Variants in RASGRF2 observed in about 807,000 individuals in gnomAD.
RASGRF2 encodes the protein ras-specific guanine nucleotide-releasing factor 2.
Under a neutral mutation model 151.0 loss-of-function variants are expected in RASGRF2, and 76 were observed. That is an observed-to-expected ratio of 0.50 (90% CI 0.42 to 0.61). The LOEUF is 0.61. Among genes scored for constraint, RASGRF2 ranks in the 20% least tolerant of loss-of-function variants. RASGRF2 has a pLI of 0.00. For missense variants in RASGRF2, 1,148 were observed against 1,564.6 expected (o/e 0.73, Z 4.49); for synonymous variants, 504 against 566.5 (o/e 0.89, Z 1.57).
intron 18 of RASGRF2, among the ~76,000 whole-genome samples, chr5:81,198,681 C>T (rs914145974): frequency 3.9e-5 from 6 of 152,160 alleles, no homozygotes; most frequent in African/African-American, 7.2e-5. Context: ...CCTCATGATC[C>T]GCCCGCCTCA....
At chr5:81,160,699 A>G (rs956668514) in intron 17 of RASGRF2, among the ~76,000 whole-genome samples, 7 of 148,326 alleles carry the variant, frequency 4.7e-5, no homozygotes, top group Non-Finnish European at 1.0e-4. Flanking sequence ...AATAATAATA[A>G]TAATAATAAT....
At position 80,961,009 on chromosome 5, in the gene RASGRF2, G is replaced by A. The variant is rs752780549; in HGVS notation, c.271G>A (p.Asp91Asn). ...RAGAGQGGVRDALDKQYYFTV... is the reference protein window; with the variant it reads ...RAGAGQGGVRNALDKQYYFTV... ...CGGCGCCGGGCAGGGAGGCGTCCGA[G>A]ACGCGCTGGACAAGCAGGTACCGCG... The change falls in exon 1 of 27, where the codon GAC (aspartate) becomes AAC (asparagine). Residue 91 changes from aspartate (D) to asparagine (N), a missense_variant. Coordinates refer to ENST00000265080, the MANE Select transcript of RASGRF2 (RefSeq NM_006909.3). 2 of 1,510,436 alleles carry A rather than the reference G, an allele frequency of 1.3e-6. No individual in the cohort carries two copies. The highest frequency in any genetic ancestry group is 1.8e-6 in the Non-Finnish European group (2 of 1,123,152). 93.6% of individuals were successfully genotyped at this position (1,510,436 alleles called of 1,614,324 possible). A position where few individuals can be genotyped will look rare whatever the true frequency, so the allele number is the denominator to read the frequency against.
chr5:81,006,689 A>C (rs1039905313), intron 1 of RASGRF2, among the ~76,000 whole-genome samples: 21 of 151,898 alleles, frequency 1.4e-4, no homozygotes, highest in African/African-American at 5.1e-4. Flanking sequence ...GACCTCTCGG[A>C]TCCCCCTTTC....
intron 1 of RASGRF2, among the ~76,000 whole-genome samples, chr5:80,965,124 T>A (rs1484896991): frequency 1.3e-5 from 2 of 152,102 alleles, no homozygotes; most frequent in Non-Finnish European, 2.9e-5. Flanking sequence ...GCTATGTGAT[T>A]TCCTGTCACT....
chr5:80,992,065 G>T (rs1748668052), intron 1 of RASGRF2, among the ~76,000 whole-genome samples: 1 of 152,026 alleles, frequency 6.6e-6, no homozygotes, highest in Non-Finnish European at 1.5e-5. Flanking sequence ...CCCTCTCCTG[G>T]CACCATGATG....
intron 22 of RASGRF2, 59 bp downstream of exon 22, chr5:81,208,497 T>C (rs1357378417): frequency 2.8e-6 from 3 of 1,064,428 alleles, no homozygotes; most frequent in Non-Finnish European, 4.1e-6. Flanking sequence ...TATTGGGGTC[T>C]AAAGACTCCT....
rs931463547 is a variant in RASGRF2, at chr5:81,068,042, A to G, written c.406A>G (p.Ile136Val). ...EAIHQASYAD[I>V]LIEREVLMQK... ...TAATTTTCTCTCAAGTTATGCAGAC[A>G]TTTTGATTGAGAGGGAAGTATTAAT... Residue 136 changes from isoleucine (I) to valine (V), a missense_variant, in exon 3 of 27, where the codon ATT (isoleucine) becomes GTT (valine). This residue lies in a region of RASGRF2 where 221 missense variants were observed against 271.3 expected (regional missense o/e 0.81). Transcript: ENST00000265080. The G allele has an allele frequency of 1.2e-6, 2 of 1,604,678 alleles. No individual in the cohort carries two copies.
rs540002149 is a variant in RASGRF2, at chr5:81,039,968, C to G, written c.289-2909C>G. ...TCATTCACTCATTTAAAAAAATACT[C>G]ATATGGCTTAATTTTTTTTACATTA... is the stretch of plus-strand genomic sequence containing the variant. On this transcript the variant is annotated intron_variant, in intron 1 of 26. Coordinates refer to ENST00000265080, the MANE Select transcript of RASGRF2 (RefSeq NM_006909.3). Among the ~76,000 whole-genome samples the G allele has an allele frequency of 1.6e-4, 24 of 152,212 alleles. 1 individual carries two copies. The South Asian group carries it at 5.0e-3, about 32-fold the overall frequency.
intron 17 of RASGRF2, among the ~76,000 whole-genome samples, chr5:81,178,156 G>C (rs774072995): frequency 2.6e-5 from 4 of 152,256 alleles, no homozygotes; most frequent in Non-Finnish European, 5.9e-5. Flanking sequence ...CAGGAGACCA[G>C]AGGCTATTAC....
chr5:81,024,249 ATTTTTTTTTTTTTT>A (rs397884951), intron 1 of RASGRF2, among the ~76,000 whole-genome samples: 9 of 71,684 alleles, frequency 1.3e-4, no homozygotes, highest in African/African-American at 5.1e-4. Context: ...TATTCATATA[ATTTTTTTTTTTTTT>A]TTTTTTTTTT....
At chr5:81,153,377 T>G (rs1305210427) in intron 17 of RASGRF2, among the ~76,000 whole-genome samples, 1 of 151,932 alleles carries the variant, frequency 6.6e-6, no homozygotes, top group African/African-American at 2.4e-5. Flanking sequence ...GGCAGAAGAG[T>G]CAGTGTCAGA....
Position 81,094,303 on chromosome 5 carries a change from G to A in RASGRF2, c.1559G>A (p.Gly520Glu). 1 of 1,613,216 alleles carries A rather than the reference G, an allele frequency of 6.2e-7. No individual in the cohort carries two copies. The change falls in exon 11 of 27, where the codon GGG becomes GAG. Residue 520 changes from glycine to glutamate, a missense_variant. By Grantham distance (98) the Gly-to-Glu change is moderately conservative. Transcript: ENST00000265080. ...AAATTGGTTTGTTTCCAGACAGGTG[G>A]GGTTCTGTCTCTAATAGACTGCACA... Reference protein sequence around the residue: ...GGKLHLLKTGGVLSLIDCTLI... With the variant: ...GGKLHLLKTGEVLSLIDCTLI...
At chr5:81,217,079 G>A (rs185368066) in intron 24 of RASGRF2, 152 of 453,072 alleles carry the variant, frequency 3.4e-4, no homozygotes, top group Non-Finnish European at 5.1e-4. Context: ...ATTACTGCTA[G>A]CAAATGCTTT....
intron 5 of RASGRF2, among the ~76,000 whole-genome samples, chr5:81,074,614 A>G (rs1051361419): frequency 6.6e-6 from 1 of 152,112 alleles, no homozygotes; most frequent in African/African-American, 2.4e-5. Flanking sequence ...GTACTTTAAC[A>G]TGTACTTCAT....
At chr5:81,129,439 T>G (rs1307121298) in intron 17 of RASGRF2, among the ~76,000 whole-genome samples, 3 of 152,172 alleles carry the variant, frequency 2.0e-5, no homozygotes, top group Admixed American at 6.5e-5. Flanking sequence ...TTATATATTA[T>G]TTATCATTAT....
chr5:81,192,167 A>T (rs944798423), intron 18 of RASGRF2, among the ~76,000 whole-genome samples: 3 of 152,200 alleles, frequency 2.0e-5, no homozygotes, highest in Admixed American at 1.3e-4. Flanking sequence ...AGAGCTTACC[A>T]GATTTGGGGT....
At chr5:81,224,169 A>G (rs1371688938) in intron 26 of RASGRF2, among the ~76,000 whole-genome samples, 1 of 152,254 alleles carries the variant, frequency 6.6e-6, no homozygotes. Flanking sequence ...GTTAATTCAT[A>G]GAAGAAAAAA....
chr5:81,031,296 A>G (rs1255309287), intron 1 of RASGRF2, among the ~76,000 whole-genome samples: 5 of 152,188 alleles, frequency 3.3e-5, no homozygotes, highest in Admixed American at 2.0e-4. Flanking sequence ...TGCACCAAGC[A>G]GACCTAATAG....
rs547568611 is a variant in RASGRF2, at chr5:81,188,545, C to A, written c.2793+8264C>A. The stretch of plus-strand genomic sequence containing the variant: ...TTATGGGTGACTTGAGAACCTGATT[C>A]TTAGAATGAAGGTAGGTAGCTTCCT... On this transcript the variant is annotated intron_variant, in intron 18 of 26. Coordinates refer to ENST00000265080, the MANE Select transcript of RASGRF2 (RefSeq NM_006909.3). Among the ~76,000 whole-genome samples the A allele has an allele frequency of 2.6e-5, 4 of 152,234 alleles. No homozygotes were observed. In the South Asian group the frequency reaches 6.2e-4, roughly 24 times the overall value.
Sources: allele counts gnomAD v4.1 joint callset (sites outside exome capture counted in the v4.1 genomes callset), GRCh38; gene constraint gnomAD v4.1.1; regional missense constraint gnomAD v4.1.1; transcripts MANE v1.5; gene names NCBI Gene and HGNC (gene_info 2026-07-23, HGNC 2026-07-21).